Variants in FAM110B observed in about 807,000 individuals in gnomAD.
FAM110B encodes protein FAM110B.
Under a neutral mutation model 20.4 loss-of-function variants are expected in FAM110B, and 6 were observed. The observed-to-expected ratio is 0.29, with a 90% CI of 0.16 to 0.58. The LOEUF (loss-of-function observed/expected upper bound fraction) is 0.58, where lower values mean the gene tolerates loss of function less well. Among genes scored for constraint, FAM110B ranks in the 20% least tolerant of loss-of-function variants. FAM110B has a pLI of 0.90. For synonymous variants in FAM110B, 226 were observed against 214.1 expected, an observed-to-expected ratio of 1.06 and a Z score of -0.49; for missense variants, 434 against 498.2, an observed-to-expected ratio of 0.87 and a Z score of 1.23.
chr8:58,009,205 G>T (rs926391580), intron 1 of FAM110B, among the ~76,000 whole-genome samples: 2 of 152,242 alleles, frequency 1.3e-5, no homozygotes, highest in African/African-American at 4.8e-5. Context: ...TGCTTTGAGA[G>T]TAGTTTGTAT....
intron 3 of FAM110B, chr8:58,113,742 A>G (rs1807123271): frequency 6.6e-6 from 1 of 152,256 alleles, no homozygotes; most frequent in African/African-American, 2.4e-5. Flanking sequence ...GACCACAGCG[A>G]TAGAGAAATA....
At chr8:58,111,647 A>T (rs1323062523) in intron 3 of FAM110B, among the ~76,000 whole-genome samples, 1 of 152,220 alleles carries the variant, frequency 6.6e-6, no homozygotes, top group Non-Finnish European at 1.5e-5. Flanking sequence ...AGAAAAAAAA[A>T]CTACTTTTAA....
At chr8:58,080,597 C>T (rs1304406294) in intron 3 of FAM110B, among the ~76,000 whole-genome samples, 1 of 152,186 alleles carries the variant, frequency 6.6e-6, no homozygotes, top group Non-Finnish European at 1.5e-5. Context: ...AGATGTGATG[C>T]TTGCCAGGAC....
At chr8:58,071,986 G>C (rs150639583) in intron 2 of FAM110B, among the ~76,000 whole-genome samples, 2 of 152,288 alleles carry the variant, frequency 1.3e-5, no homozygotes, top group African/African-American at 4.8e-5. Flanking sequence ...CTTTCCAGAA[G>C]TCCAGGCTCC....
Position 58,089,276 on chromosome 8 carries a change from A to G in FAM110B, c.-325+13653A>G, listed in dbSNP as rs373136709. Among the ~76,000 whole-genome samples the G allele has an allele frequency of 2.0e-5, 3 of 152,154 alleles. No homozygotes were observed. In the East Asian group the frequency reaches 5.8e-4, roughly 29 times the overall value. On this transcript the variant is annotated intron_variant, in intron 3 of 3. Transcript: ENST00000519262. ...ACTCTCTATCAACCTTGTCATTTGA[A>G]TTGGGGATCTTTATGTAGATGTTTG...
chr8:58,102,945 G>A lies in FAM110B; in HGVS notation c.-325+27322G>A, dbSNP rs1043944493. On this transcript the variant is annotated intron_variant, in intron 3 of 3. Transcript: ENST00000519262. ...AAGAGAGTACTACAATTAGACTTACGCTTTAGAAAAGTCAGTCTTTTACCT... is the reference window on the plus strand; with the variant it reads ...AAGAGAGTACTACAATTAGACTTACACTTTAGAAAAGTCAGTCTTTTACCT... Among the ~76,000 whole-genome samples the A allele has an allele frequency of 5.0e-5, 7 of 140,958 alleles. No individual in the cohort carries two copies. In the Admixed American group the frequency reaches 5.4e-4, roughly 11 times the overall value. 92.5% of individuals were successfully genotyped at this position (140,958 alleles called of 152,430 possible).
chr8:58,105,621 T>C (rs1442747023), intron 3 of FAM110B, among the ~76,000 whole-genome samples: 1 of 132,874 alleles, frequency 7.5e-6, no homozygotes, highest in African/African-American at 3.0e-5. Context: ...CAGGCTGGAG[T>C]GCAGTGGTGC....
At chr8:58,121,332 G>T (rs1018734899) in intron 3 of FAM110B, among the ~76,000 whole-genome samples, 6 of 152,172 alleles carry the variant, frequency 3.9e-5, no homozygotes, top group Non-Finnish European at 8.8e-5. Flanking sequence ...GTCTAGTAGA[G>T]CTCATGAAAG....
Position 58,146,708 on chromosome 8 carries a change from G to A in FAM110B, c.478G>A (p.Ala160Thr), listed in dbSNP as rs771272946. 6.8e-6 allele frequency: 11 copies of A among 1,612,234 alleles called. 1 individual carries two copies. In the South Asian group the frequency reaches 7.7e-5, roughly 11 times the overall value. Residue 160 changes from alanine (A) to threonine (T), a missense_variant, in exon 4 of 4, where the codon GCG (alanine) becomes ACG (threonine). Transcript: ENST00000519262. ...EATDLHRHSF[A>T]ESLKVYPTQG... ...CACTGACCTGCACCGTCACTCCTTC[G>A]CGGAGTCCCTGAAGGTCTACCCCAC...
intron 1 of FAM110B, among the ~76,000 whole-genome samples, chr8:58,022,076 GCT>G (rs1207072974): frequency 6.6e-6 from 1 of 152,132 alleles, no homozygotes; most frequent in African/African-American, 2.4e-5. Context: ...TCTGAATCCT[GCT>G]AGTAGTGTAG....
chr8:58,088,308 T>G (rs926186373), intron 3 of FAM110B, among the ~76,000 whole-genome samples: 1 of 152,204 alleles, frequency 6.6e-6, no homozygotes, highest in African/African-American at 2.4e-5. Context: ...CCCAAGTCTC[T>G]CCATAAATGT....
chr8:58,097,660 G>T (rs748722021), intron 3 of FAM110B, among the ~76,000 whole-genome samples: 1 of 152,118 alleles, frequency 6.6e-6, no homozygotes, highest in Non-Finnish European at 1.5e-5. Context: ...TTTTCAGCTG[G>T]TTTCTCTCCG....
chr8:58,080,810 C>G (rs1245844754), intron 3 of FAM110B, among the ~76,000 whole-genome samples: 1 of 152,224 alleles, frequency 6.6e-6, no homozygotes, highest in African/African-American at 2.4e-5. Context: ...ATGCTGCCCT[C>G]TCCTTGCATG....
chr8:57,998,284 A>G (rs1804225023), intron 1 of FAM110B, among the ~76,000 whole-genome samples: 1 of 152,234 alleles, frequency 6.6e-6, no homozygotes, highest in African/African-American at 2.4e-5. Context: ...AGACTCTGAT[A>G]AAAATGTCTT....
chr8:58,005,108 G>A (rs986184598), intron 1 of FAM110B, among the ~76,000 whole-genome samples: 5 of 152,102 alleles, frequency 3.3e-5, no homozygotes, highest in African/African-American at 4.8e-5. Context: ...CATTTATAGC[G>A]GTTGATTTAA....
chr8:58,115,932 G>T (rs1187724062), intron 3 of FAM110B, among the ~76,000 whole-genome samples: 1 of 152,188 alleles, frequency 6.6e-6, no homozygotes, highest in African/African-American at 2.4e-5. Flanking sequence ...TGGAATCCCA[G>T]CCCAACCACT....
At chr8:58,055,321 C>T (rs939728208) in intron 2 of FAM110B, among the ~76,000 whole-genome samples, 2 of 152,188 alleles carry the variant, frequency 1.3e-5, no homozygotes, top group Non-Finnish European at 2.9e-5. Context: ...ATGTGCAGTG[C>T]TGAGGATCTG....
intron 1 of FAM110B, among the ~76,000 whole-genome samples, chr8:57,997,179 T>C (rs1585797371): frequency 6.6e-6 from 1 of 152,196 alleles, no homozygotes; most frequent in African/African-American, 2.4e-5. Flanking sequence ...ACAAGGCTGG[T>C]GGAGGAGGCA....
intron 1 of FAM110B, among the ~76,000 whole-genome samples, chr8:58,019,721 CT>C (rs1804712221): frequency 6.6e-6 from 1 of 151,988 alleles, no homozygotes; most frequent in African/African-American, 2.4e-5. Context: ...TCATTATTAT[CT>C]TTGTTACCTT....
Sources: allele counts gnomAD v4.1 joint callset (sites outside exome capture counted in the v4.1 genomes callset), GRCh38; gene constraint gnomAD v4.1.1; transcripts MANE v1.5; gene names NCBI Gene and HGNC (gene_info 2026-07-23, HGNC 2026-07-21).